The following CIMIP6 variants were observed in gnomAD, a reference collection of about 807,000 sequenced individuals.
CIMIP6 encodes the protein ciliary microtubule inner protein 6, also known as uncharacterized protein C2orf73.
chr2:54,351,513 C>G, the CIMIP6 span, among the ~76,000 whole-genome samples: 38 of 152,048 alleles, frequency 2.5e-4, no homozygotes, highest in Non-Finnish European at 5.3e-4. Context: ...CCTTAGCAAA[C>G]TAACGCAGGA....
At chr2:54,370,860 T>C in the CIMIP6 span, among the ~76,000 whole-genome samples, 1 of 152,192 alleles carries the variant, frequency 6.6e-6, no homozygotes, top group African/African-American at 2.4e-5. Flanking sequence ...ACTTTGGCCG[T>C]ACCCAGGGTC....
chr2:54,331,129 A>G, the CIMIP6 span: 1 of 843,710 alleles, frequency 1.2e-6, no homozygotes, highest in African/African-American at 1.7e-5. Context: ...TCTAATTTCC[A>G]GTTGGCTGAG....
At chr2:54,357,439 T>C in the CIMIP6 span, among the ~76,000 whole-genome samples, 3 of 152,176 alleles carry the variant, frequency 2.0e-5, no homozygotes, top group African/African-American at 7.2e-5. Context: ...TACAAAAAGA[T>C]ATACAGTGAA....
the CIMIP6 span, among the ~76,000 whole-genome samples, chr2:54,349,068 C>T: frequency 1.3e-5 from 2 of 152,114 alleles, no homozygotes; most frequent in Non-Finnish European, 2.9e-5. Flanking sequence ...TTAAATAAAA[C>T]CTTGCTGATT....
At chr2:54,334,424 G>A in the CIMIP6 span, among the ~76,000 whole-genome samples, 1 of 152,262 alleles carries the variant, frequency 6.6e-6, no homozygotes, top group African/African-American at 2.4e-5. Flanking sequence ...AGGTAAACGG[G>A]AGAATAAAGC....
the CIMIP6 span, among the ~76,000 whole-genome samples, chr2:54,382,284 G>A: frequency 3.9e-5 from 6 of 152,220 alleles, no homozygotes; most frequent in East Asian, 9.6e-4. Context: ...GAGAAATTGA[G>A]AACAATAAAA....
the CIMIP6 span, among the ~76,000 whole-genome samples, chr2:54,334,074 T>C: frequency 1.3e-5 from 2 of 152,206 alleles, no homozygotes; most frequent in Non-Finnish European, 2.9e-5. Context: ...TAAAAGCTTC[T>C]ATGTAAAAAG....
the CIMIP6 span, among the ~76,000 whole-genome samples, chr2:54,368,594 T>C: frequency 1.5e-3 from 222 of 152,348 alleles, 2 homozygotes; most frequent in African/African-American, 5.3e-3. Flanking sequence ...CTTGGGGGCA[T>C]TGAGCCATGC....
chr2:54,364,613 A>C, the CIMIP6 span, among the ~76,000 whole-genome samples: 2 of 152,236 alleles, frequency 1.3e-5, no homozygotes, highest in Non-Finnish European at 2.9e-5. Context: ...GAGTTTCTCA[A>C]TAACCGGTCC....
At chr2:54,351,092 G>T in the CIMIP6 span, among the ~76,000 whole-genome samples, 2 of 152,048 alleles carry the variant, frequency 1.3e-5, no homozygotes, top group African/African-American at 4.8e-5. Context: ...TTTAAATACT[G>T]TATAAAATAA....
At chr2:54,363,748 CAG>C in the CIMIP6 span, among the ~76,000 whole-genome samples, 3 of 152,094 alleles carry the variant, frequency 2.0e-5, no homozygotes, top group Non-Finnish European at 4.4e-5. Context: ...TAGAGGGCAA[CAG>C]GGAGTGGCTG....
chr2:54,354,442 A>G, the CIMIP6 span, among the ~76,000 whole-genome samples: 1 of 152,160 alleles, frequency 6.6e-6, no homozygotes, highest in African/African-American at 2.4e-5. Context: ...CCATTATAAT[A>G]AAATGCTATC....
the CIMIP6 span, chr2:54,343,937 T>C: frequency 7.4e-7 from 1 of 1,354,370 alleles, no homozygotes; most frequent in African/African-American, 1.5e-5. Flanking sequence ...AAAACTAAGA[T>C]GTATTAGATG....
the CIMIP6 span, chr2:54,381,886 C>T: frequency 6.5e-7 from 1 of 1,550,312 alleles, no homozygotes; most frequent in Non-Finnish European, 8.7e-7. Flanking sequence ...TAACAGTGGT[C>T]CTGTGCCACA....
chr2:54,376,260 T>A, the CIMIP6 span, among the ~76,000 whole-genome samples: 36,061 of 151,450 alleles, frequency 0.24, 4,723 homozygotes, highest in East Asian at 0.48. Context: ...CCCGAGCTGG[T>A]CTGCAACCCT....
chr2:54,373,621 T>C, the CIMIP6 span, among the ~76,000 whole-genome samples: 4 of 152,158 alleles, frequency 2.6e-5, no homozygotes, highest in African/African-American at 9.7e-5. Context: ...GTATAATTAG[T>C]CTTCTTAAAT....
the CIMIP6 span, among the ~76,000 whole-genome samples, chr2:54,370,081 C>G: frequency 6.6e-6 from 1 of 151,986 alleles, no homozygotes; most frequent in Non-Finnish European, 1.5e-5. Context: ...ATGGTGAAAC[C>G]CCATCTCTAC....
At chr2:54,375,962 G>C in the CIMIP6 span, among the ~76,000 whole-genome samples, 2 of 152,026 alleles carry the variant, frequency 1.3e-5, no homozygotes, top group African/African-American at 2.4e-5. Context: ...TAGAGATAAA[G>C]AAGCAACTCC....
the CIMIP6 span, chr2:54,381,978 C>T: frequency 1.4e-5 from 21 of 1,544,624 alleles, no homozygotes; most frequent in Non-Finnish European, 1.7e-5. Context: ...CCTTGAAATA[C>T]ATTCACAGTA....
Sources: gnomAD v4.1 joint callset for allele counts (sites outside exome capture counted in the v4.1 genomes callset) on GRCh38, gnomAD v4.1.1 for gene constraint, MANE v1.5 for transcripts, NCBI Gene and HGNC (gene_info 2026-07-23, HGNC 2026-07-21) for gene names.